TACC2: variants seen among roughly 807,000 people sequenced by gnomAD.
The protein encoded by TACC2 is transforming acidic coiled-coil-containing protein 2.
A neutral mutation model predicts 227.3 loss-of-function variants in TACC2; 137 were observed. That is an observed-to-expected ratio of 0.60 (90% CI 0.52 to 0.69). The LOEUF is 0.69. Ranked by LOEUF, TACC2 falls within the 30% of genes least tolerant of loss-of-function variation. The pLI, the probability that TACC2 is intolerant of heterozygous loss-of-function variation, is 0.00. For synonymous variants in TACC2, 1,523 were observed against 1,487.5 expected, an observed-to-expected ratio of 1.02 and a Z score of -0.55; for missense variants, 3,470 against 3,694.4, an observed-to-expected ratio of 0.94 and a Z score of 1.57.
chr10:122,249,490 G>T (rs1005398168), intron 21 of TACC2, 54 bp from the exon 22 acceptor site: 9 of 1,590,926 alleles, frequency 5.7e-6, no homozygotes, highest in African/African-American at 5.4e-5. Context: ...GAAGCAGGAG[G>T]TGTCTCTAGT....
rs751522644 is a variant in TACC2 at position 122,211,234 on chromosome 10, C to T, written c.6809C>T (p.Ser2270Phe). ...GLSVRLEFDY[S>F]EDKSSWDNQQ... ...TCCGTAAGGCTGGAGTTTGACTATTCTGAGGACAAGAGTAGTTGGGACAAC... is the reference window on the plus strand; with the variant it reads ...TCCGTAAGGCTGGAGTTTGACTATTTTGAGGACAAGAGTAGTTGGGACAAC... Residue 2270 changes from serine (S) to phenylalanine (F), a missense_variant, in exon 9 of 23, where the codon TCT becomes TTT. Ser to Phe is a radical substitution (Grantham distance 155). Around this residue, in one of 10 missense-constraint regions of TACC2, gnomAD observed 593 missense variants for 636.6 expected, o/e 0.93. Coordinates refer to ENST00000369005, the MANE Select transcript of TACC2 (RefSeq NM_206862.4). 1.9e-6 allele frequency: 3 copies of T among 1,614,120 alleles called. No individual in the cohort carries two copies. The highest frequency in any genetic ancestry group is 1.6e-4 in the Middle Eastern group (1 of 6,062).
chr10:122,049,730 T>G (rs1042028949), intron 2 of TACC2, among the ~76,000 whole-genome samples: 20 of 145,014 alleles, frequency 1.4e-4, no homozygotes, highest in African/African-American at 5.0e-4. Flanking sequence ...TGAGGTTCTG[T>G]TTTTTTTTTT....
chr10:122,197,403 A>G (rs1337855147), intron 8 of TACC2, among the ~76,000 whole-genome samples: 1 of 152,248 alleles, frequency 6.6e-6, no homozygotes, highest in Non-Finnish European at 1.5e-5. Flanking sequence ...ACATCCTGCC[A>G]GCTCTGGGAT....
At chr10:122,118,727 T>C (rs1314452033) in intron 5 of TACC2, among the ~76,000 whole-genome samples, 3 of 152,148 alleles carry the variant, frequency 2.0e-5, no homozygotes, top group Non-Finnish European at 4.4e-5. Flanking sequence ...CCAACTAAAA[T>C]TTTGCCTCAT....
At chr10:122,208,597 A>C (rs1385274062) in intron 8 of TACC2, among the ~76,000 whole-genome samples, 1 of 152,230 alleles carries the variant, frequency 6.6e-6, no homozygotes, top group African/African-American at 2.4e-5. Flanking sequence ...CAGGGTGCCC[A>C]TTAAATCTGA....
chr10:122,205,257 TC>T lies in TACC2; in HGVS notation c.5972-5138del, dbSNP rs2095063201. On this transcript the variant is annotated intron_variant, in intron 8 of 22. Transcript: ENST00000369005. This position sits in a 1 kb window ranked among gnomAD's most constrained non-coding sequence, Gnocchi z 4.5. The stretch of plus-strand genomic sequence containing the variant: ...GAGCACAGCCCCACCCGGTGGGGGT[TC>T]CTGGGGTCTCTGTGAGATCCTGAAC... 6.6e-6 allele frequency among the ~76,000 whole-genome samples: 1 copy of T among 152,038 alleles called. No homozygotes were observed. The highest frequency in any genetic ancestry group is 2.1e-4 in the South Asian group (1 of 4,802).
intron 16 of TACC2, 39 bp from the exon 17 acceptor site, chr10:122,237,356 T>C: frequency 6.3e-7 from 1 of 1,582,986 alleles, no homozygotes; most frequent in South Asian, 1.2e-5. Flanking sequence ...GTATGATTAA[T>C]GCTAACTGTT....
At chr10:122,126,608 T>C (rs1333173347) in intron 5 of TACC2, 1 of 152,166 alleles carries the variant, frequency 6.6e-6, no homozygotes, top group African/African-American at 2.4e-5. Flanking sequence ...TTATCCTTGA[T>C]ACTGGATACT....
In TACC2 at chr10:122,087,120, C is replaced by A; in HGVS notation, c.4620C>A (p.Gly1540=). The change falls in exon 4 of 23, where the codon GGC becomes GGA. Residue 1540 remains glycine (G), a synonymous_variant. Coordinates refer to ENST00000369005, the MANE Select transcript of TACC2 (RefSeq NM_206862.4). ...AGGGGCCTGGGGCAGCCTGGCCAGGCCTGGAAGGCCAGGCTTACTCACAGC... is the reference window on the plus strand; with the variant it reads ...AGGGGCCTGGGGCAGCCTGGCCAGGACTGGAAGGCCAGGCTTACTCACAGC... The part of the protein sequence containing the change: ...RPEGPGAAWP[G]LEGQAYSQLE... The A allele has an allele frequency of 6.2e-7, 1 of 1,609,794 alleles. No individual in the cohort carries two copies. The highest frequency in any genetic ancestry group is 2.2e-5 in the East Asian group (1 of 44,856).
chr10:122,204,043 A>G (rs973649856), intron 8 of TACC2, among the ~76,000 whole-genome samples: 4 of 151,130 alleles, frequency 2.6e-5, no homozygotes, highest in Admixed American at 6.6e-5. Flanking sequence ...CTGCAATCCC[A>G]GGCACTCGGC....
rs374576101 is a variant in TACC2 at position 122,084,776 on chromosome 10, C to A, written c.2276C>A (p.Pro759Gln). 4.1e-5 allele frequency: 66 copies of A among 1,613,448 alleles called. No individual in the cohort carries two copies. Among genetic ancestry groups the A allele is most frequent in the Non-Finnish European group, 5.5e-5 (65 of 1,180,042 alleles). Residue 759 changes from proline to glutamine, a missense_variant, in exon 4 of 23, where the codon CCA becomes CAA. This residue lies in a region of TACC2 where 1,924 missense variants were observed against 1,978.3 expected (regional missense o/e 0.97). Transcript: ENST00000369005. ...SCDGEGLLTS[P>Q]DQPRGPACDA... ...GATGGGGAGGGCTTGCTGACGTCCC[C>A]AGATCAACCCCGCGGGCCGGCGTGT...
At chr10:122,101,880 C>T (rs2082204770) in intron 5 of TACC2, among the ~76,000 whole-genome samples, 1 of 151,282 alleles carries the variant, frequency 6.6e-6, no homozygotes, top group African/African-American at 2.4e-5. Context: ...CCAACCCCAT[C>T]CTTTTTTTAA....
Position 122,057,289 on chromosome 10 carries a change from G to C in TACC2, c.146+6739G>C, listed in dbSNP as rs923744485. Among the ~76,000 whole-genome samples, 23 of 152,324 alleles carry C rather than the reference G, an allele frequency of 1.5e-4. No homozygotes were observed. In the South Asian group the frequency reaches 3.7e-3, roughly 25 times the overall value. On this transcript the variant is annotated intron_variant, in intron 3 of 22. Transcript: ENST00000369005. ...TGAGGCACTGACTGGTGCACTGGAGGGGTGGAGGGTGCCGGCTGGAAGGGG... is the reference window on the plus strand; with the variant it reads ...TGAGGCACTGACTGGTGCACTGGAGCGGTGGAGGGTGCCGGCTGGAAGGGG...
intron 1 of TACC2, among the ~76,000 whole-genome samples, chr10:122,020,327 T>C (rs7074436): frequency 0.2 from 29,894 of 151,918 alleles, 3,581 homozygotes; most frequent in African/African-American, 0.33. Context: ...TGTGTGTGTG[T>C]GTGTGTGTGT....
Position 122,132,480 on chromosome 10 carries a change from CAG to C in TACC2, c.5574-126_5574-125del, listed in dbSNP as rs1314556059. The C allele has an allele frequency of 3.6e-6, 4 of 1,105,912 alleles. No individual in the cohort carries two copies. The South Asian group carries it at 4.3e-5, about 12-fold the overall frequency. 68.5% of individuals were successfully genotyped at this position (1,105,912 alleles called of 1,614,324 possible). A position where few individuals can be genotyped will look rare whatever the true frequency, so the allele number is the denominator to read the frequency against. ...AGGAGAATTGCCTGTACCCTGGAGA[CAG>C]AGTTTGCAGTGAGCGGAGATCGCGC... On this transcript the variant is annotated intron_variant, in intron 5 of 22. Transcript: ENST00000369005.
intron 7 of TACC2, among the ~76,000 whole-genome samples, chr10:122,181,900 G>A (rs1280392418): frequency 6.6e-6 from 1 of 152,132 alleles, no homozygotes; most frequent in Non-Finnish European, 1.5e-5. Flanking sequence ...CATGTAAAGA[G>A]GTTAGAAGAA....
At chr10:122,022,142 C>A (rs966826378) in intron 2 of TACC2, 128 bp downstream of exon 2, 5 of 862,454 alleles carry the variant, frequency 5.8e-6, no homozygotes, top group South Asian at 4.6e-5. Flanking sequence ...TAGATGTGTG[C>A]GGGCATTTAT....
intron 7 of TACC2, among the ~76,000 whole-genome samples, chr10:122,183,031 C>G (rs1207220830): frequency 4.6e-5 from 7 of 152,100 alleles, no homozygotes; most frequent in Non-Finnish European, 8.8e-5. Flanking sequence ...TGGCGAAACC[C>G]CATCTCTACC....
At chr10:122,075,789 A>T (rs907247127) in intron 3 of TACC2, among the ~76,000 whole-genome samples, 10 of 152,112 alleles carry the variant, frequency 6.6e-5, no homozygotes, top group African/African-American at 2.4e-4. Context: ...TTATAAAGAA[A>T]AATAATTGAT....
Sources: allele counts gnomAD v4.1 joint callset (sites outside exome capture counted in the v4.1 genomes callset), GRCh38; gene constraint gnomAD v4.1.1; regional missense constraint gnomAD v4.1.1; non-coding constraint Gnocchi (gnomAD v3.1); transcripts MANE v1.5; gene names NCBI Gene and HGNC (gene_info 2026-07-23, HGNC 2026-07-21).